The following LOC128125822 variants were observed in gnomAD, a reference collection of about 807,000 sequenced individuals.
the LOC128125822 span, chr6:63,573,354 T>G: frequency 6.6e-6 from 1 of 151,464 alleles, no homozygotes; most frequent in African/African-American, 2.4e-5. Flanking sequence ...TTCCAGAGCT[T>G]CTCGGAGCTC....
chr6:63,578,570 T>C, the LOC128125822 span: 4 of 1,576,514 alleles, frequency 2.5e-6, no homozygotes, highest in East Asian at 9.1e-5. Flanking sequence ...GGTGCTGTGC[T>C]ACAAAAGTTT....
the LOC128125822 span, chr6:63,572,717 C>G: frequency 3.8e-5 from 15 of 398,728 alleles, no homozygotes; most frequent in African/African-American, 2.7e-4. Flanking sequence ...TAAACATATT[C>G]CTGTGAGTAG....
the LOC128125822 span, chr6:63,583,497 T>C: frequency 4.6e-5 from 7 of 152,224 alleles, no homozygotes; most frequent in Non-Finnish European, 7.3e-5. Context: ...ACCAGTGATA[T>C]GTGTTAACGT....
chr6:63,576,747 C>A, the LOC128125822 span: 219 of 690,594 alleles, frequency 3.2e-4, no homozygotes, highest in Admixed American at 4.5e-4. Flanking sequence ...TCATTACTTA[C>A]AACTTCATAC....
the LOC128125822 span, chr6:63,579,993 AGACACTAAATATTACTGTAGGG>A: frequency 4.2e-6 from 5 of 1,197,922 alleles, no homozygotes; most frequent in Non-Finnish European, 6.0e-6. Flanking sequence ...GTTGTCTATA[AGACACTAAATATTACTGTAGGG>A]GGCTTTTGCC....
the LOC128125822 span, chr6:63,577,012 T>A: frequency 1.9e-4 from 294 of 1,548,612 alleles, 1 homozygote; most frequent in Middle Eastern, 3.6e-3. Flanking sequence ...TTTAGTAGCT[T>A]AAATTGATTG....
chr6:63,574,677 T>C, the LOC128125822 span, among the ~76,000 whole-genome samples: 160 of 152,288 alleles, frequency 1.1e-3, 3 homozygotes, highest in East Asian at 0.024. Context: ...TCAAATTAGC[T>C]TTTAATTGAA....
the LOC128125822 span, chr6:63,572,607 G>A: frequency 2.4e-6 from 1 of 418,896 alleles, no homozygotes; most frequent in South Asian, 1.1e-4. Flanking sequence ...CCGCCGCTCC[G>A]CCACGACCAC....
At chr6:63,577,118 C>A in the LOC128125822 span, 1 of 683,686 alleles carries the variant, frequency 1.5e-6, no homozygotes, top group Non-Finnish European at 2.5e-6. Context: ...AAATAAATGT[C>A]AATGTCTTCT....
the LOC128125822 span, chr6:63,579,201 A>C: frequency 6.5e-7 from 1 of 1,531,030 alleles, no homozygotes; most frequent in Non-Finnish European, 8.9e-7. Flanking sequence ...TGGAGAAATA[A>C]ATTTACAAAG....
the LOC128125822 span, chr6:63,579,430 A>C: frequency 6.0e-6 from 5 of 830,762 alleles, no homozygotes; most frequent in Middle Eastern, 3.1e-4. Context: ...CATTATGATT[A>C]TTTTTTGAGA....
chr6:63,580,448 T>C, the LOC128125822 span: 2 of 332,342 alleles, frequency 6.0e-6, no homozygotes, highest in Middle Eastern at 8.9e-4. Context: ...TCATGCAGTA[T>C]TGAGTTATGA....
chr6:63,574,862 C>G, the LOC128125822 span, among the ~76,000 whole-genome samples: 1 of 152,120 alleles, frequency 6.6e-6, no homozygotes, highest in Non-Finnish European at 1.5e-5. Flanking sequence ...AATCTGTATT[C>G]ACTGTAACTG....
At chr6:63,582,823 T>C in the LOC128125822 span, 1 of 152,162 alleles carries the variant, frequency 6.6e-6, no homozygotes, top group African/African-American at 2.4e-5. Flanking sequence ...TGCCCTCTTT[T>C]CCCTAGGGCA....
At chr6:63,573,050 G>A in the LOC128125822 span, among the ~76,000 whole-genome samples, 9 of 152,202 alleles carry the variant, frequency 5.9e-5, no homozygotes, top group African/African-American at 2.2e-4. Flanking sequence ...CTTCCGCAGC[G>A]GGCCGGGTGG....
the LOC128125822 span, among the ~76,000 whole-genome samples, chr6:63,578,217 A>G: frequency 6.6e-6 from 1 of 152,224 alleles, no homozygotes; most frequent in Non-Finnish European, 1.5e-5. Flanking sequence ...GTTTATTAAA[A>G]ATATGTATGG....
chr6:63,581,654 T>C, the LOC128125822 span: 2 of 152,172 alleles, frequency 1.3e-5, no homozygotes, highest in African/African-American at 4.8e-5. Flanking sequence ...ATTATATACT[T>C]TTTAAAGGTC....
At chr6:63,578,115 G>A in the LOC128125822 span, among the ~76,000 whole-genome samples, 908 of 152,136 alleles carry the variant, frequency 6.0e-3, 11 homozygotes, top group African/African-American at 0.021. Context: ...TTTGGTTAAT[G>A]TTTCATCCCA....
the LOC128125822 span, chr6:63,579,423 TATG>T: frequency 1.7e-5 from 15 of 887,516 alleles, no homozygotes; most frequent in Non-Finnish European, 2.5e-5. Flanking sequence ...ATTTAATCAT[TATG>T]ATTATTTTTT....
Sources: gnomAD v4.1 joint callset for allele counts (sites outside exome capture counted in the v4.1 genomes callset) on GRCh38, gnomAD v4.1.1 for gene constraint, MANE v1.5 for transcripts.